The following WASL variants were observed in gnomAD, a reference collection of about 807,000 sequenced individuals.
WASL encodes actin nucleation-promoting factor WASL.
WASL carries 20 observed loss-of-function variants against 55.5 expected under a neutral mutation model. That is an observed-to-expected ratio of 0.36 (90% CI 0.25 to 0.52). WASL has a LOEUF of 0.52. Among genes scored for constraint, WASL ranks in the 20% least tolerant of loss-of-function variants. The probability of loss-of-function intolerance (pLI) is 0.92; values close to 1 mark genes in which losing one functional copy is unlikely to be tolerated. For synonymous variants in WASL, 249 were observed against 217.6 expected (o/e 1.14, Z -1.27); for missense variants, 504 against 622.5 (o/e 0.81, Z 2.03).
chr7:123,716,539 T>C (rs1396635569), intron 1 of WASL, among the ~76,000 whole-genome samples: 2 of 151,768 alleles, frequency 1.3e-5, no homozygotes, highest in African/African-American at 4.8e-5. Flanking sequence ...TGAGCCACTG[T>C]GCCCGGCCCA....
intron 5 of WASL, among the ~76,000 whole-genome samples, chr7:123,699,944 A>G (rs1352109556): frequency 1.3e-5 from 2 of 152,078 alleles, no homozygotes. Context: ...TGGGAGGCCG[A>G]GACGGGCGGA....
chr7:123,707,966 A>G lies in WASL; in HGVS notation c.252+1123T>C, dbSNP rs563186511. 8.0e-4 allele frequency among the ~76,000 whole-genome samples: 122 copies of G among 152,298 alleles called. 1 individual carries two copies. The highest frequency in any genetic ancestry group is 1.3e-3 in the Non-Finnish European group (90 of 68,018). On this transcript the variant is annotated intron_variant, in intron 2 of 10. Transcript: ENST00000223023. ...TTTGGGAGCCTGAGGCAGGAGGATCACTTGAGTCCAGGAGTTTGAATCCAG... is the reference window on the plus strand; with the variant it reads ...TTTGGGAGCCTGAGGCAGGAGGATCGCTTGAGTCCAGGAGTTTGAATCCAG...
intron 10 of WASL, among the ~76,000 whole-genome samples, chr7:123,685,495 A>C (rs1026345170): frequency 6.6e-6 from 1 of 152,026 alleles, no homozygotes; most frequent in African/African-American, 2.4e-5. Context: ...TTCATAAACT[A>C]CTTCCTCAGA....
At chr7:123,700,662 T>C (rs1362759131) in intron 5 of WASL, among the ~76,000 whole-genome samples, 1 of 152,146 alleles carries the variant, frequency 6.6e-6, no homozygotes, top group Non-Finnish European at 1.5e-5. Flanking sequence ...ATGGTCTTGA[T>C]TTCCTGACCT....
intron 1 of WASL, among the ~76,000 whole-genome samples, chr7:123,718,370 C>T (rs1004766916): frequency 3.3e-5 from 5 of 152,060 alleles, no homozygotes; most frequent in Admixed American, 3.3e-4. Context: ...ACTATCTAAG[C>T]GAATATATTC....
chr7:123,724,317 T>C (rs953048642), intron 1 of WASL, among the ~76,000 whole-genome samples: 3 of 152,166 alleles, frequency 2.0e-5, no homozygotes, highest in Non-Finnish European at 4.4e-5. Context: ...CCCAAACATA[T>C]CATACTTCTC....
chr7:123,730,406 T>C (rs763282234), intron 1 of WASL, among the ~76,000 whole-genome samples: 1 of 151,720 alleles, frequency 6.6e-6, no homozygotes, highest in Non-Finnish European at 1.5e-5. Flanking sequence ...TTAATGACAG[T>C]GGGGAGGGAT....
At chr7:123,739,912 GTGTATATA>G (rs1486511695) in intron 1 of WASL, among the ~76,000 whole-genome samples, 505 of 34,854 alleles carry the variant, frequency 0.014, 2 homozygotes, top group East Asian at 0.078. Context: ...GTGTGTGTGT[GTGTATATA>G]TATATATATA....
rs772140282 is a variant in WASL at position 123,706,765 on chromosome 7, C to G, written c.314G>C (p.Gly105Ala). 4 of 1,578,700 alleles carry G rather than the reference C, an allele frequency of 2.5e-6. No homozygotes were observed. The South Asian group carries it at 4.8e-5, about 19-fold the overall frequency. Reference sequence around the variant, plus strand: ...ATCTCCAGCAAAGGTATGAAAATATCCTCTAGGACTATTATATACAAAGTT... The same window carrying G: ...ATCTCCAGCAAAGGTATGAAAATATGCTCTAGGACTATTATATACAAAGTT... The part of the protein sequence containing the change: ...YNNFVYNSPR[G>A]YFHTFAGDTC... Residue 105 changes from glycine (G) to alanine (A), a missense_variant, in exon 3 of 11, where the codon GGA (glycine) becomes GCA (alanine). Physicochemically the swap from Gly to Ala is moderately conservative, Grantham distance 60 (BLOSUM62 0). Around this residue, in one of 5 missense-constraint regions of WASL, gnomAD observed 230 missense variants for 271.9 expected, o/e 0.85. Coordinates refer to ENST00000223023, the MANE Select transcript of WASL (RefSeq NM_003941.4).
intron 1 of WASL, among the ~76,000 whole-genome samples, chr7:123,732,709 T>C (rs893302818): frequency 6.6e-6 from 1 of 152,116 alleles, no homozygotes; most frequent in Admixed American, 6.5e-5. Context: ...ATTAAGCTAA[T>C]ACCAACACCA....
intron 2 of WASL, among the ~76,000 whole-genome samples, chr7:123,708,315 G>A (rs781349425): frequency 6.6e-6 from 1 of 152,130 alleles, no homozygotes. Flanking sequence ...GAGACCAGAG[G>A]TGTAAAAATC....
At position 123,738,305 on chromosome 7, in the gene WASL, T is replaced by C. The variant is rs924358570; in HGVS notation, c.117+10313A>G. 6.6e-5 allele frequency among the ~76,000 whole-genome samples: 10 copies of C among 152,184 alleles called. No individual in the cohort carries two copies. The South Asian group carries it at 1.0e-3, about 16-fold the overall frequency. On this transcript the variant is annotated intron_variant, in intron 1 of 10. Transcript: ENST00000223023. ...AAGTTAAGTTGCAGAACAATATGTA[T>C]ACCATGTTTCTAGCAAATTAAAGAG...
intron 1 of WASL, among the ~76,000 whole-genome samples, chr7:123,735,080 A>T: frequency 6.6e-6 from 1 of 151,452 alleles, no homozygotes; most frequent in Non-Finnish European, 1.5e-5. Flanking sequence ...GAGGAAAACC[A>T]GCAGCAAAGA....
chr7:123,723,408 C>A (rs918167903), intron 1 of WASL, among the ~76,000 whole-genome samples: 1 of 152,090 alleles, frequency 6.6e-6, no homozygotes, highest in Non-Finnish European at 1.5e-5. Flanking sequence ...CACTTCAATA[C>A]AGTAGAGAGT....
intron 1 of WASL, among the ~76,000 whole-genome samples, chr7:123,730,568 G>A (rs1261070803): frequency 6.6e-6 from 1 of 151,978 alleles, no homozygotes; most frequent in Non-Finnish European, 1.5e-5. Flanking sequence ...AAGTATAACT[G>A]CTGTTAGAAA....
chr7:123,729,926 G>C (rs923623121), intron 1 of WASL, among the ~76,000 whole-genome samples: 2 of 152,114 alleles, frequency 1.3e-5, no homozygotes, highest in Admixed American at 6.5e-5. Context: ...AATTCATTCT[G>C]TGTGCCTTCA....
intron 1 of WASL, among the ~76,000 whole-genome samples, chr7:123,747,711 G>GT (rs1804457147): frequency 6.6e-6 from 1 of 152,156 alleles, no homozygotes; most frequent in South Asian, 2.1e-4. Flanking sequence ...AGTCACCGCA[G>GT]TATGATCCCG....
chr7:123,740,836 T>C (rs971293378), intron 1 of WASL, among the ~76,000 whole-genome samples: 7 of 152,174 alleles, frequency 4.6e-5, no homozygotes, highest in African/African-American at 1.7e-4. Flanking sequence ...TCTTCCTGCC[T>C]CAGCCTCCCA....
At chr7:123,744,086 GCCAT>G (rs1804391349) in intron 1 of WASL, among the ~76,000 whole-genome samples, 1 of 152,050 alleles carries the variant, frequency 6.6e-6, no homozygotes. Context: ...CCTTACTCAG[GCCAT>G]CATCAATACA....
Sources: gnomAD v4.1 joint callset for allele counts (sites outside exome capture counted in the v4.1 genomes callset) on GRCh38, gnomAD v4.1.1 for gene constraint, gnomAD v4.1.1 regional missense constraint, MANE v1.5 for transcripts, NCBI Gene and HGNC (gene_info 2026-07-23, HGNC 2026-07-21) for gene names.